CHN2: variants seen among roughly 807,000 people sequenced by gnomAD.
The protein encoded by CHN2 is chimerin 2.
A neutral mutation model predicts 56.3 loss-of-function variants in CHN2; 35 were observed. The ratio of observed to expected loss-of-function variants is 0.62; its 90% confidence interval spans 0.47 to 0.82. The LOEUF (loss-of-function observed/expected upper bound fraction) is 0.82, where lower values mean the gene tolerates loss of function less well. Among genes scored for constraint, CHN2 ranks in the 40% least tolerant of loss-of-function variants. CHN2 has a pLI of 0.00. For missense variants in CHN2, 491 were observed against 580.5 expected, an observed-to-expected ratio of 0.85 and a Z score of 1.58; for synonymous variants, 210 against 212.8, an observed-to-expected ratio of 0.99 and a Z score of 0.12.
At chr7:29,360,619 A>G (rs1798666539) in intron 2 of CHN2, among the ~76,000 whole-genome samples, 2 of 152,250 alleles carry the variant, frequency 1.3e-5, no homozygotes, top group African/African-American at 4.8e-5. Flanking sequence ...TAAAGCACCT[A>G]CAATTCCCTG....
chr7:29,302,316 CTTCCTTCTTTCTTCGTAT>C (rs1180365768), intron 1 of CHN2, among the ~76,000 whole-genome samples: 1 of 147,470 alleles, frequency 6.8e-6, no homozygotes, highest in East Asian at 2.1e-4. Flanking sequence ...CTTCTCCTTC[CTTCCTTCTTTCTTCGTAT>C]TTCTTCTTTC....
chr7:29,377,095 T>G (rs1433868003), intron 3 of CHN2, among the ~76,000 whole-genome samples: 1 of 152,204 alleles, frequency 6.6e-6, no homozygotes. Flanking sequence ...TAGCATGATC[T>G]CGGCTCACTG....
At chr7:29,511,071 C>A (rs989719216) in intron 12 of CHN2, among the ~76,000 whole-genome samples, 3 of 143,176 alleles carry the variant, frequency 2.1e-5, no homozygotes, top group Non-Finnish European at 4.6e-5. Flanking sequence ...GCAGCCCATT[C>A]TTTGATAAAA....
At chr7:29,239,993 T>C (rs1787526695) in intron 1 of CHN2, among the ~76,000 whole-genome samples, 1 of 152,202 alleles carries the variant, frequency 6.6e-6, no homozygotes, top group Admixed American at 6.5e-5. Flanking sequence ...AAACATTTTT[T>C]CAAGACCCTG....
intron 6 of CHN2, among the ~76,000 whole-genome samples, chr7:29,458,406 CA>C (rs1372439936): frequency 2.2e-4 from 33 of 152,130 alleles, no homozygotes; most frequent in South Asian, 6.2e-4. Context: ...CACACACACA[CA>C]CACACACACA....
intron 6 of CHN2, among the ~76,000 whole-genome samples, chr7:29,437,369 C>G (rs1161900372): frequency 5.9e-5 from 5 of 84,904 alleles, no homozygotes; most frequent in Admixed American, 5.2e-4. Context: ...GAGGCCGAGG[C>G]GGGCGGATCA....
chr7:29,328,531 T>A (rs978038039), intron 1 of CHN2, among the ~76,000 whole-genome samples: 4 of 151,932 alleles, frequency 2.6e-5, no homozygotes, highest in African/African-American at 9.7e-5. Flanking sequence ...GAAGAAAAAA[T>A]TTTTAAATGC....
chr7:29,268,226 T>C (rs73684646), intron 1 of CHN2, among the ~76,000 whole-genome samples: 7,983 of 150,822 alleles, frequency 0.053, 703 homozygotes, highest in African/African-American at 0.18. Context: ...AAATTGTTAG[T>C]TTATCAGCCA....
At chr7:29,468,144 C>A (rs1490619674) in intron 6 of CHN2, among the ~76,000 whole-genome samples, 11 of 103,280 alleles carry the variant, frequency 1.1e-4, no homozygotes, top group Non-Finnish European at 2.1e-4. Context: ...GGACCCGCCC[C>A]CCCCCCCCCC....
intron 7 of CHN2, among the ~76,000 whole-genome samples, chr7:29,485,746 G>A (rs1787897794): frequency 6.6e-6 from 1 of 152,116 alleles, no homozygotes; most frequent in African/African-American, 2.4e-5. Context: ...CATCAGTTGG[G>A]GTGGGCCAGA....
In CHN2 at chr7:29,163,512, A is replaced by G. The variant is rs370006526; in HGVS notation, c.274+16552A>G. ...GACACATATGTTAATGGGCATATGC[A>G]TATGAGCAATTATTACCTAAGAGAC... On this transcript the variant is annotated intron_variant, in intron 2 of 6. Transcript: ENST00000439384. 6.6e-5 allele frequency among the ~76,000 whole-genome samples: 10 copies of G among 152,342 alleles called. No homozygotes were observed. The East Asian group carries it at 1.5e-3, about 23-fold the overall frequency.
At chr7:29,449,692 T>G (rs1784270214) in intron 6 of CHN2, among the ~76,000 whole-genome samples, 1 of 152,236 alleles carries the variant, frequency 6.6e-6, no homozygotes, top group East Asian at 1.9e-4. Context: ...TATAGTTAAC[T>G]CAAATAAATG....
Position 29,471,543 on chromosome 7 carries a change from T to C in CHN2, c.577-8736T>C, listed in dbSNP as rs572709008. Among the ~76,000 whole-genome samples the C allele has an allele frequency of 3.3e-3, 499 of 151,320 alleles. 3 individuals carry two copies. The highest frequency in any genetic ancestry group is 0.012 in the African/African-American group (487 of 41,198). ...GTCCATTTCAGCGCACATACAGGCC[T>C]TTCAGGTTGGGTGAACGGTGACTGT... On this transcript the variant is annotated intron_variant, in intron 6 of 12. Transcript: ENST00000222792.
intron 1 of CHN2, among the ~76,000 whole-genome samples, chr7:29,272,764 A>G (rs1228904729): frequency 1.3e-5 from 2 of 152,246 alleles, no homozygotes; most frequent in Non-Finnish European, 2.9e-5. Context: ...TTCAAACCAT[A>G]TGCTTATTAT....
intron 1 of CHN2, among the ~76,000 whole-genome samples, chr7:29,259,865 A>G (rs1464357617): frequency 6.6e-6 from 1 of 152,212 alleles, no homozygotes; most frequent in Non-Finnish European, 1.5e-5. Flanking sequence ...TTTGTCAGTT[A>G]TACCTTAGTA....
At chr7:29,424,675 T>G (rs947194540) in intron 6 of CHN2, among the ~76,000 whole-genome samples, 1 of 152,190 alleles carries the variant, frequency 6.6e-6, no homozygotes, top group African/African-American at 2.4e-5. Context: ...TTACAAACAT[T>G]TGGATTTCTA....
At chr7:29,336,648 TA>T (rs1796633987) in intron 1 of CHN2, among the ~76,000 whole-genome samples, 1 of 151,182 alleles carries the variant, frequency 6.6e-6, no homozygotes, top group Non-Finnish European at 1.5e-5. Context: ...TAGTCCTTGC[TA>T]CTCCAGAGTC....
intron 2 of CHN2, chr7:29,147,255 CATT>C: frequency 5.6e-6 from 2 of 358,532 alleles, no homozygotes; most frequent in South Asian, 6.5e-5. Context: ...GGAGGGTCAT[CATT>C]ATCAGCAACA....
At chr7:29,228,066 C>T (rs1562847467) in intron 1 of CHN2, among the ~76,000 whole-genome samples, 1 of 151,668 alleles carries the variant, frequency 6.6e-6, no homozygotes, top group Non-Finnish European at 1.5e-5. Flanking sequence ...TATCAAGTTA[C>T]CTTAAAATCC....
Sources: allele counts gnomAD v4.1 joint callset (sites outside exome capture counted in the v4.1 genomes callset), GRCh38; gene constraint gnomAD v4.1.1; transcripts MANE v1.5; gene names NCBI Gene and HGNC (gene_info 2026-07-23, HGNC 2026-07-21).